EVA1C: variants seen among roughly 807,000 people sequenced by gnomAD.
The protein encoded by EVA1C is eva-1 homolog C.
EVA1C carries 25 observed loss-of-function variants against 45.4 expected under a neutral mutation model. That is an observed-to-expected ratio of 0.55 (90% CI 0.40 to 0.77). EVA1C has a LOEUF of 0.77. Ranked by LOEUF, EVA1C falls within the 30% of genes least tolerant of loss-of-function variation. The pLI is 0.00. For synonymous variants in EVA1C, 190 were observed against 221.2 expected (o/e 0.86, Z 1.25); for missense variants, 479 against 554.8 (o/e 0.86, Z 1.37).
intron 2 of EVA1C, 89 bp downstream of exon 2, chr21:32,453,597 T>C (rs2146250888): frequency 9.7e-7 from 1 of 1,029,032 alleles, no homozygotes; most frequent in Middle Eastern, 3.3e-4. Flanking sequence ...TGTGATTATA[T>C]AGTTCAATCC....
intron 1 of EVA1C, among the ~76,000 whole-genome samples, chr21:32,451,397 A>C (rs1429517031): frequency 1.3e-5 from 2 of 152,074 alleles, no homozygotes; most frequent in Non-Finnish European, 2.9e-5. Context: ...TACATTCTGG[A>C]TGAACCTTCC....
At chr21:32,513,043 C>T (rs1376260913) in intron 7 of EVA1C, among the ~76,000 whole-genome samples, 4 of 148,498 alleles carry the variant, frequency 2.7e-5, no homozygotes, top group African/African-American at 5.0e-5. Context: ...ATATAATAAG[C>T]ATTATAATAC....
intron 3 of EVA1C, among the ~76,000 whole-genome samples, chr21:32,459,569 C>T (rs373767168): frequency 1.3e-4 from 19 of 151,848 alleles, no homozygotes; most frequent in Non-Finnish European, 1.9e-4. Context: ...TGGCTGGGGG[C>T]GGTGGCTCAT....
intron 4 of EVA1C, among the ~76,000 whole-genome samples, chr21:32,479,174 A>G (rs1011078236): frequency 3.9e-5 from 6 of 152,242 alleles, no homozygotes; most frequent in Non-Finnish European, 7.3e-5. Flanking sequence ...TAATCCCAAC[A>G]CTTTGGGAGG....
intron 3 of EVA1C, among the ~76,000 whole-genome samples, chr21:32,458,840 G>A (rs1396264429): frequency 3.3e-5 from 5 of 151,920 alleles, no homozygotes; most frequent in East Asian, 1.9e-4. Flanking sequence ...CACTTTTTGC[G>A]TTTTGTTGTC....
intron 1 of EVA1C, among the ~76,000 whole-genome samples, chr21:32,441,732 TTGA>T (rs1568885683): frequency 6.6e-6 from 1 of 152,212 alleles, no homozygotes; most frequent in Non-Finnish European, 1.5e-5. Context: ...ATTATGGGAC[TTGA>T]TGAATCAGAG....
At chr21:32,465,506 TG>T (rs2036140468) in intron 3 of EVA1C, among the ~76,000 whole-genome samples, 1 of 152,124 alleles carries the variant, frequency 6.6e-6, no homozygotes, top group Non-Finnish European at 1.5e-5. Flanking sequence ...AGAACAGTGG[TG>T]ATAGGGTAGA....
chr21:32,487,224 T>G (rs979737427), intron 4 of EVA1C, among the ~76,000 whole-genome samples: 7 of 152,160 alleles, frequency 4.6e-5, no homozygotes, highest in East Asian at 1.9e-4. Context: ...GTCAAGGGAA[T>G]GGATCATGTG....
intron 4 of EVA1C, 135 bp downstream of exon 4, chr21:32,467,983 G>A (rs1601345505): frequency 5.8e-6 from 3 of 521,388 alleles, no homozygotes; most frequent in East Asian, 4.1e-5. Flanking sequence ...TCTTGTGATC[G>A]TGTAAGTTAA....
intron 7 of EVA1C, among the ~76,000 whole-genome samples, chr21:32,513,245 C>T (rs2038018990): frequency 1.3e-5 from 2 of 149,026 alleles, no homozygotes; most frequent in East Asian, 2.0e-4. Context: ...GGCGTGATCT[C>T]GGCTCACTGC....
At chr21:32,440,468 T>A (rs886637719) in intron 1 of EVA1C, among the ~76,000 whole-genome samples, 2 of 152,192 alleles carry the variant, frequency 1.3e-5, no homozygotes, top group African/African-American at 4.8e-5. Context: ...TTTTATAGGA[T>A]TGAAGGCCTT....
chr21:32,484,766 G>A (rs889636796), intron 4 of EVA1C, among the ~76,000 whole-genome samples: 7 of 152,008 alleles, frequency 4.6e-5, no homozygotes, highest in Admixed American at 3.3e-4. Context: ...GCCTCCCTAA[G>A]ACCCAGTGAG....
At chr21:32,426,849 T>C (rs868342604) in intron 1 of EVA1C, among the ~76,000 whole-genome samples, 3 of 152,082 alleles carry the variant, frequency 2.0e-5, no homozygotes, top group Admixed American at 2.0e-4. Context: ...AGGGAAAATA[T>C]AGTATTGTTT....
At chr21:32,505,314 C>T (rs1427525135) in intron 7 of EVA1C, among the ~76,000 whole-genome samples, 2 of 152,082 alleles carry the variant, frequency 1.3e-5, no homozygotes, top group South Asian at 2.1e-4. Flanking sequence ...CTTTTCTAGC[C>T]ACCTTCTCAT....
chr21:32,429,702 A>G (rs964049545), intron 1 of EVA1C, among the ~76,000 whole-genome samples: 2 of 152,206 alleles, frequency 1.3e-5, no homozygotes, highest in African/African-American at 4.8e-5. Context: ...CCACAAAAGG[A>G]CAATGTGCAG....
intron 4 of EVA1C, among the ~76,000 whole-genome samples, chr21:32,469,164 G>C (rs764495255): frequency 1.3e-5 from 2 of 152,170 alleles, no homozygotes; most frequent in African/African-American, 4.8e-5. Context: ...CTACACCCTC[G>C]TGGAGCTGAC....
Position 32,467,825 on chromosome 21 carries a change from A to G in EVA1C, c.611A>G (p.Lys204Arg). The change falls in exon 4 of 8, where the codon AAG becomes AGG. Residue 204 changes from lysine (K) to arginine (R), a missense_variant. Around this residue, in one of 3 missense-constraint regions of EVA1C, gnomAD observed 366 missense variants for 426.1 expected, o/e 0.86. Transcript: ENST00000300255. Reference sequence around the variant, plus strand: ...CAGGAAAGGGACATCTGCTCCTCCAAGGCAGAGCGGCTCCCCCCTTTCGGT... The same window carrying G: ...CAGGAAAGGGACATCTGCTCCTCCAGGGCAGAGCGGCTCCCCCCTTTCGGT... ...RTQERDICSS[K>R]AERLPPFDCL... 1.2e-6 allele frequency: 2 copies of G among 1,611,370 alleles called. No homozygotes were observed. Among genetic ancestry groups the G allele is most frequent in the Non-Finnish European group, 1.7e-6 (2 of 1,178,972 alleles).
chr21:32,486,850 T>G (rs2036987790), intron 4 of EVA1C, among the ~76,000 whole-genome samples: 1 of 152,222 alleles, frequency 6.6e-6, no homozygotes, highest in Non-Finnish European at 1.5e-5. Context: ...GTAAATGCTA[T>G]GTAGAGATTT....
intron 1 of EVA1C, among the ~76,000 whole-genome samples, chr21:32,438,161 T>A (rs552266299): frequency 6.6e-6 from 1 of 152,222 alleles, no homozygotes; most frequent in East Asian, 1.9e-4. Flanking sequence ...GGGTCCTAGT[T>A]CTCTCTTTCT....
Sources: gnomAD v4.1 joint callset for allele counts (sites outside exome capture counted in the v4.1 genomes callset) on GRCh38, gnomAD v4.1.1 for gene constraint, gnomAD v4.1.1 regional missense constraint, MANE v1.5 for transcripts, NCBI Gene and HGNC (gene_info 2026-07-23, HGNC 2026-07-21) for gene names.